Variants in PRKX observed in about 807,000 individuals in gnomAD.
PRKX encodes the protein cAMP-dependent protein kinase catalytic subunit PRKX.
PRKX carries 12 observed loss-of-function variants against 22.0 expected under a neutral mutation model. The ratio of observed to expected loss-of-function variants is 0.54; its 90% CI spans 0.35 to 0.88. The LOEUF is 0.88. Among genes scored for constraint, PRKX ranks in the 40% least tolerant of loss-of-function variants. PRKX has a pLI of 0.01. For missense variants in PRKX, 217 were observed against 308.0 expected (o/e 0.70, Z 2.21); for synonymous variants, 134 against 137.7 (o/e 0.97, Z 0.19).
intron 1 of PRKX, among the ~76,000 whole-genome samples, chrX:3,677,303 G>C (rs1157364208): frequency 9.7e-6 from 1 of 103,011 alleles, no homozygotes; most frequent in African/African-American, 3.6e-5. Flanking sequence ...TGCTTAGAGG[G>C]TAGATCACAT....
intron 8 of PRKX, among the ~76,000 whole-genome samples, chrX:3,610,497 T>G (rs773009283): frequency 3.7e-4 from 41 of 109,965 alleles, no homozygotes; most frequent in African/African-American, 1.3e-3. Flanking sequence ...GAAAAAAAAA[T>G]TCATTAAACA....
At chrX:3,677,037 G>T (rs1469983254) in intron 1 of PRKX, among the ~76,000 whole-genome samples, 1 of 111,392 alleles carries the variant, frequency 9.0e-6, no homozygotes, top group Non-Finnish European at 1.9e-5. Context: ...TTAACAGCAT[G>T]AGAATGGACT....
chrX:3,682,178 C>A (rs981606662), intron 1 of PRKX, among the ~76,000 whole-genome samples: 2 of 110,161 alleles, frequency 1.8e-5, no homozygotes, highest in Non-Finnish European at 3.8e-5. Context: ...AGCACATTCC[C>A]GGGAGTAGAT....
chrX:3,707,864 C>T lies in PRKX; in HGVS notation c.166+5224G>A, dbSNP rs140900534. On this transcript the variant is annotated intron_variant, in intron 1 of 8. Coordinates refer to ENST00000262848, the MANE Select transcript of PRKX (RefSeq NM_005044.5). ...AGGTAAATAAGATCAAAGGGCTGAG[C>T]TCCACTTTCTGTGTATTGTTAGGCT... 9.8e-3 allele frequency among the ~76,000 whole-genome samples: 1,090 copies of T among 111,293 alleles called. 19 individuals carry two copies. The highest frequency in any genetic ancestry group is 0.034 in the African/African-American group (1,040 of 30,506).
intron 4 of PRKX, among the ~76,000 whole-genome samples, chrX:3,638,721 G>A (rs1429522319): frequency 9.0e-6 from 1 of 110,961 alleles, no homozygotes; most frequent in Non-Finnish European, 1.9e-5. Flanking sequence ...GAGATAGAGG[G>A]ATAGGTAGGT....
At chrX:3,648,631 T>TGTGTGTGCGC (rs1555894775) in intron 3 of PRKX, among the ~76,000 whole-genome samples, 5 of 104,810 alleles carry the variant, frequency 4.8e-5, no homozygotes, top group African/African-American at 1.8e-4. Context: ...TGTGTGTGTG[T>TGTGTGTGCGC]GTGTGTGTGT....
chrX:3,661,081 T>C (rs369300488), intron 2 of PRKX, among the ~76,000 whole-genome samples: 5 of 110,993 alleles, frequency 4.5e-5, no homozygotes, highest in Admixed American at 1.9e-4. Context: ...TATCAGTATA[T>C]ATGAAATGGA....
intron 1 of PRKX, among the ~76,000 whole-genome samples, chrX:3,706,002 T>TA (rs11349613): frequency 0.01 from 964 of 93,667 alleles, 13 homozygotes; most frequent in African/African-American, 0.033. Flanking sequence ...GGTTTTTCTT[T>TA]AAAAAAAAAA....
intron 1 of PRKX, among the ~76,000 whole-genome samples, chrX:3,708,634 G>A (rs1928727532): frequency 9.1e-6 from 1 of 110,428 alleles, no homozygotes. Context: ...GGAGGCCAAG[G>A]CGGGCGGATC....
At chrX:3,642,101 A>G in intron 3 of PRKX, 130 bp from the exon 4 acceptor site, 4 of 811,576 alleles carry the variant, frequency 4.9e-6, no homozygotes, top group Non-Finnish European at 5.3e-6. Flanking sequence ...TCCTGTGCAC[A>G]TATTTTAATG....
At chrX:3,641,566 A>G (rs1476636771) in intron 4 of PRKX, 1 of 198,190 alleles carries the variant, frequency 5.0e-6, no homozygotes, top group Non-Finnish European at 9.1e-6. Flanking sequence ...CAGAATGTTA[A>G]TTGTATATTT....
chrX:3,631,701 T>TG (rs1205008315), intron 4 of PRKX, among the ~76,000 whole-genome samples: 4 of 110,694 alleles, frequency 3.6e-5, no homozygotes, highest in African/African-American at 1.3e-4. Flanking sequence ...TCTAAGAGAC[T>TG]GAAGAGGAGA....
chrX:3,652,320 A>T (rs1243247867), intron 3 of PRKX, among the ~76,000 whole-genome samples: 3 of 110,071 alleles, frequency 2.7e-5, no homozygotes, highest in Non-Finnish European at 5.7e-5. Flanking sequence ...TGGGGGGCTG[A>T]GGCAGGAGAA....
intron 3 of PRKX, among the ~76,000 whole-genome samples, chrX:3,643,318 T>C (rs1471747830): frequency 1.8e-5 from 2 of 111,837 alleles, no homozygotes; most frequent in Non-Finnish European, 3.8e-5. Flanking sequence ...GACCTCGCTC[T>C]TGCTAATTGC....
At chrX:3,693,120 T>C (rs1359046916) in intron 1 of PRKX, among the ~76,000 whole-genome samples, 1 of 109,914 alleles carries the variant, frequency 9.1e-6, no homozygotes, top group African/African-American at 3.3e-5. Context: ...TTTAGTTTTG[T>C]TTAGTTCCAG....
At chrX:3,647,380 T>G (rs1420858377) in intron 3 of PRKX, among the ~76,000 whole-genome samples, 2 of 106,169 alleles carry the variant, frequency 1.9e-5, no homozygotes, top group Non-Finnish European at 3.8e-5. Context: ...TGTATCCATT[T>G]ATTATATATT....
At chrX:3,659,787 C>T (rs1318597954) in intron 2 of PRKX, among the ~76,000 whole-genome samples, 2 of 98,428 alleles carry the variant, frequency 2.0e-5, no homozygotes, top group East Asian at 3.4e-4. Flanking sequence ...TGCAATGGCA[C>T]GATCTTGGCT....
At chrX:3,711,083 G>A (rs1396354851) in intron 1 of PRKX, among the ~76,000 whole-genome samples, 14 of 111,341 alleles carry the variant, frequency 1.3e-4, no homozygotes, top group Non-Finnish European at 2.4e-4. Context: ...TAAAGAAACG[G>A]GCTTGGATAA....
chrX:3,630,490 G>A (rs1188397092), intron 4 of PRKX, among the ~76,000 whole-genome samples: 1 of 111,644 alleles, frequency 9.0e-6, no homozygotes, highest in South Asian at 3.8e-4. Context: ...AACCCGGGAG[G>A]CGGAGCTTGC....
Sources: gnomAD v4.1 joint callset for allele counts (sites outside exome capture counted in the v4.1 genomes callset) on GRCh38, gnomAD v4.1.1 for gene constraint, MANE v1.5 for transcripts, NCBI Gene and HGNC (gene_info 2026-07-23, HGNC 2026-07-21) for gene names.